CD80: variants seen among roughly 807,000 people sequenced by gnomAD.
CD80 encodes CD80 molecule.
CD80 carries 13 observed loss-of-function variants against 27.1 expected under a neutral mutation model. The ratio of observed to expected loss-of-function variants is 0.48; its 90% CI spans 0.31 to 0.76. The LOEUF (loss-of-function observed/expected upper bound fraction) is 0.76, where lower values mean the gene tolerates loss of function less well. CD80 is among the 30% of genes least tolerant of loss of function. CD80 has a pLI of 0.04. For synonymous variants in CD80, 125 were observed against 125.5 expected (o/e 1.00, Z 0.03); for missense variants, 277 against 347.9 (o/e 0.80, Z 1.62).
intron 4 of CD80, among the ~76,000 whole-genome samples, chr3:119,532,521 A>G (rs2082116316): frequency 6.6e-6 from 1 of 151,730 alleles, no homozygotes; most frequent in Non-Finnish European, 1.5e-5. Context: ...AAGAAGTGCC[A>G]TCTGATTTCT....
intron 2 of CD80, among the ~76,000 whole-genome samples, chr3:119,553,101 CACTTTATT>C (rs760463213): frequency 0.014 from 1,973 of 143,412 alleles, 56 homozygotes; most frequent in African/African-American, 0.046. Context: ...CTGAATTGTA[CACTTTATT>C]TATTTATTTA....
At chr3:119,550,447 C>T (rs2082225466) in intron 2 of CD80, among the ~76,000 whole-genome samples, 1 of 152,180 alleles carries the variant, frequency 6.6e-6, no homozygotes, top group African/African-American at 2.4e-5. Flanking sequence ...AACCCAAAAT[C>T]TTCCGAACAA....
At position 119,546,952 on chromosome 3, in the gene CD80, T is replaced by A. The variant is rs116138205; in HGVS notation, c.101-2085A>T. Among the ~76,000 whole-genome samples, 1,108 of 152,336 alleles carry A rather than the reference T, an allele frequency of 7.3e-3. 11 individuals are homozygous for A. Among genetic ancestry groups the A allele is most frequent in the African/African-American group, 0.025 (1,046 of 41,582 alleles). Reference sequence around the variant, plus strand: ...AGTGAGCTAAAGACAATCCATTTCATGTGACTTCAGTGGCGTGGCACAGGA... The same window carrying A: ...AGTGAGCTAAAGACAATCCATTTCAAGTGACTTCAGTGGCGTGGCACAGGA... On this transcript the variant is annotated intron_variant, in intron 2 of 6. Coordinates refer to ENST00000264246, the MANE Select transcript of CD80 (RefSeq NM_005191.4).
At chr3:119,550,940 C>T (rs978896653) in intron 2 of CD80, among the ~76,000 whole-genome samples, 15 of 152,202 alleles carry the variant, frequency 9.9e-5, no homozygotes, top group African/African-American at 3.6e-4. Context: ...CCCTGCCCCC[C>T]TCCATCCTGC....
intron 3 of CD80, among the ~76,000 whole-genome samples, chr3:119,542,660 T>C (rs1465496543): frequency 6.6e-6 from 1 of 152,196 alleles, no homozygotes; most frequent in African/African-American, 2.4e-5. Flanking sequence ...ATCTTGCTTC[T>C]AACCTCCAAG....
intron 4 of CD80, among the ~76,000 whole-genome samples, chr3:119,532,630 T>G (rs2082116666): frequency 6.6e-6 from 1 of 152,242 alleles, no homozygotes; most frequent in Non-Finnish European, 1.5e-5. Context: ...TTCTCCCATT[T>G]CAGTGAATAA....
intron 3 of CD80, among the ~76,000 whole-genome samples, chr3:119,542,255 A>G (rs540309040): frequency 6.6e-6 from 1 of 152,114 alleles, no homozygotes; most frequent in South Asian, 2.1e-4. Flanking sequence ...CCAAGAGCAG[A>G]GAAAACACTG....
intron 1 of CD80, among the ~76,000 whole-genome samples, chr3:119,558,538 G>A (rs575063474): frequency 1.1e-3 from 165 of 152,208 alleles, no homozygotes; most frequent in African/African-American, 1.8e-3. Flanking sequence ...TGAGGTGGGC[G>A]GATTACTTGA....
intron 5 of CD80, among the ~76,000 whole-genome samples, chr3:119,529,397 A>C (rs774704423): frequency 1.3e-5 from 2 of 152,228 alleles, no homozygotes; most frequent in Non-Finnish European, 2.9e-5. Context: ...TTAGAATATC[A>C]GCAGGATGGT....
At position 119,536,904 on chromosome 3, in the gene CD80, A is replaced by G. The variant is rs115073912; in HGVS notation, c.700+233T>C. 4.7e-3 allele frequency among the ~76,000 whole-genome samples: 711 copies of G among 152,324 alleles called. 4 individuals carry two copies. The highest frequency in any genetic ancestry group is 0.017 in the African/African-American group (687 of 41,562). On this transcript the variant is annotated intron_variant, in intron 4 of 6. Coordinates refer to ENST00000264246, the MANE Select transcript of CD80 (RefSeq NM_005191.4). ...TGTTACAACTGCCTATGTGTTCAGT[A>G]TGGTAACATGCTGTACAGGTGTGTA...
Position 119,537,191 on chromosome 3 carries a change from A to C in CD80, c.646T>G (p.Cys216Gly), listed in dbSNP as rs2082143924. The C allele has an allele frequency of 6.2e-7, 1 of 1,614,152 alleles. No individual in the cohort carries two copies. The highest frequency in any genetic ancestry group is 2.2e-5 in the East Asian group (1 of 44,874). ...CTTAAATGTCCATACTTGATGAGAC[A>C]CATGAAGCTGTGGTTGGTTGTCATA... Reference protein sequence around the residue: ...FNMTTNHSFMCLIKYGHLRVN... With the variant: ...FNMTTNHSFMGLIKYGHLRVN... The change falls in exon 4 of 7, where the codon TGT becomes GGT. Residue 216 changes from cysteine to glycine, a missense_variant. Coordinates refer to ENST00000264246, the MANE Select transcript of CD80 (RefSeq NM_005191.4).
intron 2 of CD80, among the ~76,000 whole-genome samples, chr3:119,557,172 CT>C (rs1028842183): frequency 6.6e-6 from 1 of 152,126 alleles, no homozygotes; most frequent in African/African-American, 2.4e-5. Flanking sequence ...AGGAATTGTC[CT>C]CAACTACTCT....
chr3:119,534,511 C>T (rs913627544), intron 4 of CD80, among the ~76,000 whole-genome samples: 3 of 152,082 alleles, frequency 2.0e-5, no homozygotes, highest in African/African-American at 7.2e-5. Context: ...ACTGTGACTG[C>T]AAAGCTTAAA....
In CD80 at chr3:119,524,375, A is replaced by G. The variant is rs1048579102; in HGVS notation, c.*1413T>C. ...GCTGTAGAATACAGGAATTACTTAG[A>G]ATAGAAACATAGTCATCACAACTGT... On this transcript the variant is annotated 3_prime_UTR_variant, in exon 7 of 7. Coordinates refer to ENST00000264246, the MANE Select transcript of CD80 (RefSeq NM_005191.4). 6.6e-6 allele frequency: 1 copy of G among 152,278 alleles called. No homozygotes were observed. Among genetic ancestry groups the G allele is most frequent in the Non-Finnish European group, 1.5e-5 (1 of 68,048 alleles). 9.4% of individuals were successfully genotyped at this position (152,278 alleles called of 1,614,324 possible).
chr3:119,533,376 CAT>C (rs2082119814), intron 4 of CD80, among the ~76,000 whole-genome samples: 1 of 150,144 alleles, frequency 6.7e-6, no homozygotes, highest in Admixed American at 6.7e-5. Flanking sequence ...TAAAAAGAAT[CAT>C]ATGCGCAATC....
At chr3:119,535,109 T>A (rs2107741313) in intron 4 of CD80, among the ~76,000 whole-genome samples, 1 of 151,972 alleles carries the variant, frequency 6.6e-6, no homozygotes. Context: ...GGAGAATTGC[T>A]TCAACCTGGG....
intron 2 of CD80, among the ~76,000 whole-genome samples, chr3:119,549,213 G>A (rs1434450305): frequency 1.5e-5 from 2 of 134,546 alleles, no homozygotes; most frequent in Non-Finnish European, 3.5e-5. Context: ...GCTATCTGCA[G>A]TCCATGCCAT....
chr3:119,556,260 G>T (rs1189627931), intron 2 of CD80, among the ~76,000 whole-genome samples: 1 of 152,042 alleles, frequency 6.6e-6, no homozygotes, highest in Non-Finnish European at 1.5e-5. Context: ...ACTTACCTCT[G>T]ACCCTAATTT....
chr3:119,529,099 G>A (rs75051934), intron 5 of CD80, among the ~76,000 whole-genome samples: 22,369 of 151,578 alleles, frequency 0.15, 2,065 homozygotes, highest in Non-Finnish European at 0.2. Context: ...ACAGGTGCAC[G>A]CCACCATGCC....
Sources: gnomAD v4.1 joint callset for allele counts (sites outside exome capture counted in the v4.1 genomes callset) on GRCh38, gnomAD v4.1.1 for gene constraint, MANE v1.5 for transcripts, NCBI Gene and HGNC (gene_info 2026-07-23, HGNC 2026-07-21) for gene names.